The following INCA1 variants were observed in gnomAD, a reference collection of about 807,000 sequenced individuals.
INCA1 encodes the protein inhibitor of CDK, cyclin A1 interacting protein 1.
In INCA1, 28 loss-of-function variants were observed where a neutral mutation model predicts 25.7. The observed-to-expected ratio is 1.09, with a 90% CI of 0.81 to 1.49. The LOEUF (loss-of-function observed/expected upper bound fraction) is 1.49. Among genes scored for constraint, INCA1 ranks in the 40% most tolerant of loss-of-function variants. INCA1 has a pLI of 0.00. For synonymous variants in INCA1, 111 were observed against 103.6 expected (o/e 1.07, Z -0.43); for missense variants, 309 against 290.9 (o/e 1.06, Z -0.45).
At chr17:4,993,848 TGCAACC>T (rs1974047907) in intron 2 of INCA1, among the ~76,000 whole-genome samples, 1 of 141,386 alleles carries the variant, frequency 7.1e-6, no homozygotes, top group Non-Finnish European at 1.5e-5. Context: ...CTTGGCTCAC[TGCAACC>T]CCTGCCTCCT....
rs144457118 is a variant in INCA1 at position 4,989,979 on chromosome 17, C to T, written c.159-50G>A. The T allele has an allele frequency of 1.3e-3, 2,065 of 1,612,870 alleles. 1 individual carries two copies. Among genetic ancestry groups the T allele is most frequent in the Non-Finnish European group, 1.6e-3 (1,842 of 1,179,142 alleles). ...TAAGTGCAGAGGGGACATGTCCATC[C>T]ATATTGCTTCTTTAATAATCTCTCC... On this transcript the variant is annotated intron_variant, in intron 3 of 6. Coordinates refer to ENST00000576820, the Ensembl canonical transcript of INCA1.
chr17:4,988,380 G>A (rs202112922), exon 7 of INCA1: 9 of 1,577,734 alleles, frequency 5.7e-6, no homozygotes, highest in Non-Finnish European at 7.7e-6. Context: ...GGCACCACTA[G>A]CCTCTCGGCA....
intron 1 of INCA1, 21 bp from the exon 2 acceptor site, chr17:4,994,496 A>T: frequency 6.3e-7 from 1 of 1,588,058 alleles, no homozygotes; most frequent in Non-Finnish European, 8.6e-7. Flanking sequence ...AATGGAAAAG[A>T]AGTCATTCAT....
intron 4 of INCA1, 71 bp downstream of exon 4, chr17:4,989,819 G>A (rs888905410): frequency 3.1e-6 from 5 of 1,608,356 alleles, no homozygotes; most frequent in African/African-American, 2.7e-5. Flanking sequence ...GTAATAAGGA[G>A]AGCTTGGGAC....
chr17:4,993,007 G>A (rs1973977303), intron 2 of INCA1, among the ~76,000 whole-genome samples: 1 of 151,930 alleles, frequency 6.6e-6, no homozygotes, highest in African/African-American at 2.4e-5. Context: ...AGCCTCCTGA[G>A]TAGCAGGGAT....
upstream of INCA1, chr17:4,997,384 G>T (rs1169751217): frequency 6.6e-6 from 1 of 152,328 alleles, no homozygotes; most frequent in Non-Finnish European, 1.5e-5. Context: ...ACCCGGGCCT[G>T]AAGGGGTTGT....
At chr17:4,990,185 T>G in exon 3 of INCA1, 1 of 1,614,196 alleles carries the variant, frequency 6.2e-7, no homozygotes, top group Non-Finnish European at 8.5e-7. Context: ...CCAGAAGACA[T>G]CTCCATAACG....
chr17:4,989,627 G>A lies in INCA1; in HGVS notation c.199-3C>T, dbSNP rs1973691906. ...AGCTGGGAGCAACCAGTGGCTCTCT[G>A]TGCCAGAGAATGGGGAAAAAGAGCT... On this transcript the variant is annotated splice_polypyrimidine_tract_variant and splice_region_variant and intron_variant, in intron 4 of 6. Transcript: ENST00000576820. The A allele has an allele frequency of 6.2e-7, 1 of 1,612,818 alleles. No homozygotes were observed. Among genetic ancestry groups the A allele is most frequent in the Non-Finnish European group, 8.5e-7 (1 of 1,179,096 alleles).
intron 2 of INCA1, among the ~76,000 whole-genome samples, chr17:4,991,789 TG>T (rs769516827): frequency 6.6e-6 from 1 of 152,182 alleles, no homozygotes; most frequent in Non-Finnish European, 1.5e-5. Flanking sequence ...ACCAAAAACA[TG>T]GTATGTCTCA....
At chr17:4,995,217 A>AG (rs1491226403) in intron 1 of INCA1, among the ~76,000 whole-genome samples, 5 of 152,062 alleles carry the variant, frequency 3.3e-5, no homozygotes, top group Middle Eastern at 3.4e-3. Context: ...AAAAAAAAAA[A>AG]GGTATTTGTA....
chr17:4,994,117 A>G (rs1974065262), intron 2 of INCA1, among the ~76,000 whole-genome samples: 1 of 152,100 alleles, frequency 6.6e-6, no homozygotes, highest in Non-Finnish European at 1.5e-5. Context: ...CTGAAATTGT[A>G]TTTGTTTGCA....
upstream of INCA1, among the ~76,000 whole-genome samples, chr17:4,997,281 G>A: frequency 6.6e-6 from 1 of 152,302 alleles, no homozygotes; most frequent in South Asian, 2.1e-4. Flanking sequence ...CTTCCCTCGA[G>A]AGGGGCCCTG....
intron 2 of INCA1, 122 bp from the exon 3 acceptor site, chr17:4,990,387 G>A (rs930880560): frequency 8.9e-7 from 1 of 1,124,238 alleles, no homozygotes; most frequent in Non-Finnish European, 1.2e-6. Flanking sequence ...CTCGGGCCAT[G>A]TCCTCTCTTA....
chr17:4,990,270 G>A lies in INCA1; in HGVS notation c.45-5C>T. ...CGGCTGACCACCCTGGAACACCTGA[G>A]GTGAGGACAAGGTAGGCTCGGGTCT... On this transcript the variant is annotated splice_polypyrimidine_tract_variant and splice_region_variant and intron_variant, in intron 2 of 6. Transcript: ENST00000576820. 1 of 1,612,130 alleles carries A rather than the reference G, an allele frequency of 6.2e-7. No individual in the cohort carries two copies. Among genetic ancestry groups the A allele is most frequent in the Non-Finnish European group, 8.5e-7 (1 of 1,178,994 alleles).
exon 7 of INCA1, chr17:4,988,351 A>T: frequency 2.6e-6 from 4 of 1,534,984 alleles, no homozygotes; most frequent in Non-Finnish European, 3.5e-6. Flanking sequence ...TAGTGACGGA[A>T]CTAGTCTTGG....
intron 5 of INCA1, 33 bp downstream of exon 5, chr17:4,989,395 G>GA: frequency 6.3e-7 from 1 of 1,584,444 alleles, no homozygotes; most frequent in Non-Finnish European, 8.6e-7. Context: ...AATCCTGCAT[G>GA]ACTCCCAGAA....
chr17:4,990,307 T>C, intron 2 of INCA1, 42 bp from the exon 3 acceptor site: 1 of 1,573,172 alleles, frequency 6.4e-7, no homozygotes, highest in Non-Finnish European at 8.6e-7. Flanking sequence ...GCTCTTCCCT[T>C]ACAGCAGTCT....
chr17:4,992,233 C>T (rs552323975), intron 2 of INCA1, among the ~76,000 whole-genome samples: 22 of 152,304 alleles, frequency 1.4e-4, no homozygotes, highest in African/African-American at 5.1e-4. Flanking sequence ...AAAGGCTGGT[C>T]ATGTCACTCT....
exon 6 of INCA1, chr17:4,988,805 G>C: frequency 6.2e-7 from 1 of 1,614,122 alleles, no homozygotes; most frequent in Non-Finnish European, 8.5e-7. Flanking sequence ...GTGAGAAAAC[G>C]GTCCTCTTCC....
Sources: allele counts gnomAD v4.1 joint callset (sites outside exome capture counted in the v4.1 genomes callset), GRCh38; gene constraint gnomAD v4.1.1; transcripts MANE v1.5; gene names NCBI Gene and HGNC (gene_info 2026-07-23, HGNC 2026-07-21).